APP: variants seen among roughly 807,000 people sequenced by gnomAD.
The protein encoded by APP is amyloid beta precursor protein.
APP carries 31 observed loss-of-function variants against 101.4 expected under a neutral mutation model. That is an observed-to-expected ratio of 0.31 (90% CI 0.23 to 0.41). The LOEUF (loss-of-function observed/expected upper bound fraction) is 0.41, where lower values mean the gene tolerates loss of function less well. APP is among the 10% of genes least tolerant of loss of function. The pLI, the probability that APP is intolerant of heterozygous loss-of-function variation, is 1.00. For missense variants in APP, 839 were observed against 1,003.7 expected (o/e 0.84, Z 2.22); for synonymous variants, 366 against 364.4 (o/e 1.00, Z -0.05).
chr21:26,102,119 G>A (rs1379379034), intron 2 of APP, among the ~76,000 whole-genome samples: 1 of 112 alleles, frequency 8.9e-3, no homozygotes, highest in Non-Finnish European at 0.026. Flanking sequence ...CCGGAGTCTC[G>A]CTCTTGTCGC....
chr21:26,096,360 G>A (rs1220114413), intron 2 of APP, among the ~76,000 whole-genome samples: 1 of 152,166 alleles, frequency 6.6e-6, no homozygotes, highest in Admixed American at 6.5e-5. Flanking sequence ...ATCATCTTTG[G>A]CTTTCAGACT....
At chr21:26,024,191 A>T (rs995735673) in intron 5 of APP, among the ~76,000 whole-genome samples, 3 of 152,184 alleles carry the variant, frequency 2.0e-5, no homozygotes, top group Admixed American at 6.5e-5. Flanking sequence ...AATACAGGAG[A>T]AAGACCTAGA....
At chr21:25,943,356 T>C (rs1360036065) in intron 13 of APP, among the ~76,000 whole-genome samples, 1 of 151,980 alleles carries the variant, frequency 6.6e-6, no homozygotes, top group African/African-American at 2.4e-5. Flanking sequence ...GGTTTCTCCA[T>C]GTTGAGGCTG....
intron 2 of APP, among the ~76,000 whole-genome samples, chr21:26,095,002 C>T (rs1342740289): frequency 2.6e-5 from 4 of 152,138 alleles, no homozygotes; most frequent in African/African-American, 9.7e-5. Context: ...CCCACTACCA[C>T]ACCCGGCTAA....
At chr21:25,957,944 A>G (rs776476682) in intron 11 of APP, among the ~76,000 whole-genome samples, 1 of 151,646 alleles carries the variant, frequency 6.6e-6, no homozygotes, top group Middle Eastern at 3.4e-3. Flanking sequence ...TGATTGCACG[A>G]CTGTACTCAA....
intron 6 of APP, among the ~76,000 whole-genome samples, chr21:26,019,818 C>T (rs1450217471): frequency 6.6e-6 from 1 of 152,214 alleles, no homozygotes; most frequent in Non-Finnish European, 1.5e-5. Context: ...TCCTTCCCTG[C>T]TACAGGCATC....
chr21:25,905,438 C>G (rs1003290807), intron 14 of APP, among the ~76,000 whole-genome samples: 19 of 152,156 alleles, frequency 1.2e-4, no homozygotes, highest in African/African-American at 4.1e-4. Flanking sequence ...CCCAGCCTAG[C>G]AGAAAACCTT....
At chr21:25,897,855 G>C in intron 15 of APP, 182 bp from the exon 16 acceptor site, 1 of 605,872 alleles carries the variant, frequency 1.7e-6, no homozygotes, top group Non-Finnish European at 2.9e-6. Context: ...TACCTATTTT[G>C]AACAAAAAGA....
intron 3 of APP, among the ~76,000 whole-genome samples, chr21:26,076,579 G>C (rs1463844655): frequency 6.6e-6 from 1 of 152,184 alleles, no homozygotes; most frequent in Non-Finnish European, 1.5e-5. Flanking sequence ...CAGCCCTAAA[G>C]TCTATCAAAT....
At chr21:26,004,275 C>CTTTTTTTTTTTTTT (rs71183538) in intron 6 of APP, among the ~76,000 whole-genome samples, 4 of 72,792 alleles carry the variant, frequency 5.5e-5, no homozygotes, top group Non-Finnish European at 9.8e-5. Flanking sequence ...TGTATTAATT[C>CTTTTTTTTTTTTTT]TTTTTTTTTT....
chr21:25,958,537 A>AT (rs1773144211), intron 11 of APP, among the ~76,000 whole-genome samples: 1 of 136,602 alleles, frequency 7.3e-6, no homozygotes, highest in African/African-American at 2.8e-5. Context: ...TTGGCCTCCC[A>AT]AAGTGCTAGG....
At chr21:25,901,567 AG>A (rs2038490321) in intron 15 of APP, among the ~76,000 whole-genome samples, 1 of 147,828 alleles carries the variant, frequency 6.8e-6, no homozygotes, top group Admixed American at 6.6e-5. Flanking sequence ...TCTTACTAAA[AG>A]ACAAAATCAG....
intron 11 of APP, among the ~76,000 whole-genome samples, chr21:25,968,104 GAAA>G (rs1316940846): frequency 2.0e-5 from 3 of 152,088 alleles, no homozygotes; most frequent in African/African-American, 7.2e-5. Flanking sequence ...TTCCCATGGG[GAAA>G]ACAACTATTT....
intron 11 of APP, among the ~76,000 whole-genome samples, chr21:25,957,162 T>G (rs537282128): frequency 6.6e-6 from 1 of 152,234 alleles, no homozygotes; most frequent in African/African-American, 2.4e-5. Flanking sequence ...TTCTCTATAA[T>G]CCCCAGAAAG....
intron 6 of APP, among the ~76,000 whole-genome samples, chr21:26,001,904 G>A (rs2043313892): frequency 1.3e-4 from 1 of 7,966 alleles, no homozygotes; most frequent in Admixed American, 1.2e-3. Flanking sequence ...GTAACTCAGA[G>A]GGGATATGGT....
intron 6 of APP, among the ~76,000 whole-genome samples, chr21:26,002,925 G>A (rs1405974512): frequency 1.3e-5 from 2 of 152,142 alleles, no homozygotes; most frequent in East Asian, 3.8e-4. Flanking sequence ...TTGGATGGGT[G>A]CAAGTCAAGT....
In APP at chr21:26,035,458, C is replaced by T. The variant is rs959265273; in HGVS notation, c.663-13416G>A. Reference sequence around the variant, plus strand: ...GAAAGAGAGGCATGGGGTGATACTGCGGAGGTAGGGAGGAGCTGGGTCAAA... The same window carrying T: ...GAAAGAGAGGCATGGGGTGATACTGTGGAGGTAGGGAGGAGCTGGGTCAAA... On this transcript the variant is annotated intron_variant, in intron 5 of 17. Coordinates refer to ENST00000346798, the MANE Select transcript of APP (RefSeq NM_000484.4). Among the ~76,000 whole-genome samples the T allele has an allele frequency of 4.0e-5, 6 of 151,882 alleles. No homozygotes were observed. In the South Asian group the frequency reaches 1.2e-3, roughly 31 times the overall value.
intron 1 of APP, among the ~76,000 whole-genome samples, chr21:26,125,338 G>T (rs899183021): frequency 2.6e-5 from 4 of 152,084 alleles, no homozygotes; most frequent in Admixed American, 6.5e-5. Flanking sequence ...CTGTTGATTG[G>T]TATAAAGACA....
chr21:26,118,002 C>T (rs934268171), intron 1 of APP, among the ~76,000 whole-genome samples: 1 of 152,220 alleles, frequency 6.6e-6, no homozygotes, highest in East Asian at 1.9e-4. Context: ...ATGTTTTTCA[C>T]GGCCTCTGTT....
Sources: allele counts gnomAD v4.1 joint callset (sites outside exome capture counted in the v4.1 genomes callset), GRCh38; gene constraint gnomAD v4.1.1; transcripts MANE v1.5; gene names NCBI Gene and HGNC (gene_info 2026-07-23, HGNC 2026-07-21).